SH3BGRL2: variants seen among roughly 807,000 people sequenced by gnomAD.
The protein encoded by SH3BGRL2 is SH3 domain-binding glutamic acid-rich-like protein 2.
In SH3BGRL2, 21 loss-of-function variants were observed where a neutral mutation model predicts 14.8. That is an observed-to-expected ratio of 1.42 (90% CI 1.01 to 2.05). SH3BGRL2 has a LOEUF of 2.05. Among genes scored for constraint, SH3BGRL2 ranks in the 30% most tolerant of loss-of-function variants. SH3BGRL2 has a pLI of 0.00. For synonymous variants in SH3BGRL2, 50 were observed against 47.8 expected (o/e 1.05, Z -0.19); for missense variants, 147 against 130.8 (o/e 1.12, Z -0.61).
the SH3BGRL2 span, among the ~76,000 whole-genome samples, chr6:79,540,377 G>T: frequency 6.6e-6 from 1 of 152,178 alleles, no homozygotes; most frequent in Non-Finnish European, 1.5e-5. Flanking sequence ...GGAGGTTGCA[G>T]TGAGCCGAGA....
chr6:79,641,150 T>TTG (rs373404859), intron 1 of SH3BGRL2, among the ~76,000 whole-genome samples: 12,859 of 141,134 alleles, frequency 0.091, 545 homozygotes, highest in Non-Finnish European at 0.093. Flanking sequence ...TCTCACCCTT[T>TTG]TGTGTGTGTG....
At chr6:79,683,668 T>C (rs556347412) in intron 2 of SH3BGRL2, among the ~76,000 whole-genome samples, 10 of 152,222 alleles carry the variant, frequency 6.6e-5, no homozygotes, top group Admixed American at 1.3e-4. Context: ...AGGATGGTCT[T>C]GATCTCCTGA....
intron 2 of SH3BGRL2, among the ~76,000 whole-genome samples, chr6:79,693,216 A>T (rs918684514): frequency 3.9e-5 from 6 of 152,218 alleles, no homozygotes; most frequent in African/African-American, 1.4e-4. Flanking sequence ...TTGTATCCTG[A>T]GACTTTGCTG....
At chr6:79,664,143 C>A (rs143287498) in intron 1 of SH3BGRL2, among the ~76,000 whole-genome samples, 208 of 152,338 alleles carry the variant, frequency 1.4e-3, no homozygotes, top group African/African-American at 4.9e-3. Flanking sequence ...ACGTCCCACC[C>A]TGCTTCAGCT....
At chr6:79,637,663 G>C (rs1025475438) in intron 1 of SH3BGRL2, among the ~76,000 whole-genome samples, 2 of 151,560 alleles carry the variant, frequency 1.3e-5, no homozygotes, top group African/African-American at 4.9e-5. Context: ...TTGCACTCCA[G>C]CCTGAGTGAC....
intron 1 of SH3BGRL2, among the ~76,000 whole-genome samples, chr6:79,670,806 GT>G (rs1285045597): frequency 6.6e-6 from 1 of 152,086 alleles, no homozygotes; most frequent in African/African-American, 2.4e-5. Flanking sequence ...TATGGTGTTT[GT>G]TTTCACATTT....
the SH3BGRL2 span, among the ~76,000 whole-genome samples, chr6:79,624,045 C>G: frequency 7.0e-4 from 107 of 152,108 alleles, no homozygotes; most frequent in East Asian, 0.016. Flanking sequence ...CTGAATTCAA[C>G]AATAACCTAA....
the SH3BGRL2 span, among the ~76,000 whole-genome samples, chr6:79,620,216 A>G: frequency 2.6e-5 from 4 of 151,938 alleles, no homozygotes; most frequent in Admixed American, 6.6e-5. Flanking sequence ...TATTTTGCAA[A>G]TCTCTTTTAC....
intron 1 of SH3BGRL2, among the ~76,000 whole-genome samples, chr6:79,657,039 C>T (rs948472762): frequency 2.6e-5 from 4 of 152,000 alleles, no homozygotes; most frequent in Non-Finnish European, 4.4e-5. Context: ...AGAGATGGGG[C>T]GAGAGGTTTG....
intron 1 of SH3BGRL2, among the ~76,000 whole-genome samples, chr6:79,662,513 C>G (rs1215024480): frequency 2.0e-5 from 3 of 152,210 alleles, no homozygotes; most frequent in Non-Finnish European, 4.4e-5. Context: ...GCTGAGAGAT[C>G]CACTGTTAGT....
chr6:79,678,338 C>G (rs536779456), intron 2 of SH3BGRL2, among the ~76,000 whole-genome samples: 2 of 152,256 alleles, frequency 1.3e-5, no homozygotes, highest in African/African-American at 4.8e-5. Flanking sequence ...TCTACTTTCT[C>G]TATATAAAAT....
Position 79,642,688 on chromosome 6 carries a change from C to A in SH3BGRL2, c.45+11182C>A, listed in dbSNP as rs1582714838. ...GTCTTTCAGATTCTTGTAACTGATA[C>A]AGAATATGTTGAGTCTGTGAGTAAC... On this transcript the variant is annotated intron_variant, in intron 1 of 3. Coordinates refer to ENST00000369838, the MANE Select transcript of SH3BGRL2 (RefSeq NM_031469.4). Among the ~76,000 whole-genome samples, 3 of 152,110 alleles carry A rather than the reference C, an allele frequency of 2.0e-5. No individual in the cohort carries two copies. The East Asian group carries it at 5.8e-4, about 29-fold the overall frequency.
chr6:79,613,400 A>G, the SH3BGRL2 span, among the ~76,000 whole-genome samples: 1 of 152,194 alleles, frequency 6.6e-6, no homozygotes, highest in East Asian at 1.9e-4. Flanking sequence ...TCACTTCTGA[A>G]TATTATAGGT....
At chr6:79,538,018 G>GTTTTTTTTTTTTTTTTTTTTTTT in the SH3BGRL2 span, among the ~76,000 whole-genome samples, 2 of 44,146 alleles carry the variant, frequency 4.5e-5, no homozygotes, top group Non-Finnish European at 8.5e-5. Flanking sequence ...TTGCACACAA[G>GTTTTTTTTTTTTTTTTTTTTTTT]TTTTTTTTTT....
the SH3BGRL2 span, among the ~76,000 whole-genome samples, chr6:79,590,424 G>GATGTAT: frequency 1.5e-5 from 1 of 66,666 alleles, no homozygotes; most frequent in Non-Finnish European, 2.7e-5. Context: ...AAGAAAATGT[G>GATGTAT]ATATATATAT....
At chr6:79,575,707 A>G in the SH3BGRL2 span, among the ~76,000 whole-genome samples, 5 of 152,040 alleles carry the variant, frequency 3.3e-5, no homozygotes, top group African/African-American at 1.2e-4. Context: ...GCACTTTGTT[A>G]TATCCTTTTC....
chr6:79,553,892 C>T, the SH3BGRL2 span, among the ~76,000 whole-genome samples: 3 of 151,086 alleles, frequency 2.0e-5, no homozygotes, highest in Non-Finnish European at 2.9e-5. Flanking sequence ...CGCTTGAACC[C>T]GGGAGGCAGA....
intron 1 of SH3BGRL2, among the ~76,000 whole-genome samples, chr6:79,649,260 C>T (rs1769232096): frequency 6.6e-6 from 1 of 152,056 alleles, no homozygotes; most frequent in Admixed American, 6.6e-5. Flanking sequence ...GTCAGCACAC[C>T]ACATCAAAGT....
intron 1 of SH3BGRL2, among the ~76,000 whole-genome samples, chr6:79,654,560 G>T (rs576919421): frequency 6.6e-6 from 1 of 152,120 alleles, no homozygotes; most frequent in Non-Finnish European, 1.5e-5. Context: ...TCACGATTTT[G>T]TTGGGTTTGC....
Sources: allele counts gnomAD v4.1 joint callset (sites outside exome capture counted in the v4.1 genomes callset), GRCh38; gene constraint gnomAD v4.1.1; transcripts MANE v1.5; gene names NCBI Gene and HGNC (gene_info 2026-07-23, HGNC 2026-07-21).